Variants in PRLR observed in about 807,000 individuals in gnomAD.
PRLR encodes hPRL receptor.
Under a neutral mutation model 40.2 loss-of-function variants are expected in PRLR, and 13 were observed. The ratio of observed to expected loss-of-function variants is 0.32; its 90% confidence interval spans 0.21 to 0.51. The LOEUF (loss-of-function observed/expected upper bound fraction) is 0.51. Among genes scored for constraint, PRLR ranks in the 20% least tolerant of loss-of-function variants. The pLI, the probability that PRLR is intolerant of heterozygous loss-of-function variation, is 0.97. For missense variants in PRLR, 656 were observed against 747.3 expected (o/e 0.88, Z 1.42); for synonymous variants, 269 against 278.7 (o/e 0.97, Z 0.35).
chr5:35,078,644 T>C (rs1007239311), intron 5 of PRLR, among the ~76,000 whole-genome samples: 9 of 151,856 alleles, frequency 5.9e-5, no homozygotes, highest in African/African-American at 2.2e-4. Context: ...GAGGAGCTGG[T>C]ACCATTCCTT....
At chr5:35,097,609 G>C (rs776152681) in intron 2 of PRLR, among the ~76,000 whole-genome samples, 4 of 151,952 alleles carry the variant, frequency 2.6e-5, no homozygotes, top group Non-Finnish European at 4.4e-5. Flanking sequence ...GAGGAGTGGG[G>C]ACAGGTCAGA....
At chr5:35,121,807 G>A (rs1773301967) in intron 1 of PRLR, among the ~76,000 whole-genome samples, 1 of 152,180 alleles carries the variant, frequency 6.6e-6, no homozygotes, top group Non-Finnish European at 1.5e-5. Flanking sequence ...TCTCTTTGAT[G>A]CCAAAGGCTG....
At chr5:35,182,382 T>C (rs1775317113) in intron 1 of PRLR, among the ~76,000 whole-genome samples, 2 of 152,174 alleles carry the variant, frequency 1.3e-5, no homozygotes, top group South Asian at 4.1e-4. Context: ...ATTTGACTGT[T>C]AGTGTTATAA....
At chr5:35,070,841 CAAAAA>C (rs34668616) in intron 6 of PRLR, among the ~76,000 whole-genome samples, 1 of 69,168 alleles carries the variant, frequency 1.4e-5, no homozygotes, top group East Asian at 3.9e-4. Context: ...AACTCCGTCT[CAAAAA>C]AAAAAAAAAA....
intron 3 of PRLR, among the ~76,000 whole-genome samples, chr5:35,088,915 G>C (rs1351494221): frequency 6.6e-6 from 1 of 152,178 alleles, no homozygotes; most frequent in Non-Finnish European, 1.5e-5. Flanking sequence ...GGTTCAGACA[G>C]AGAGACATTT....
chr5:35,210,465 TA>T (rs1260065304), intron 1 of PRLR, among the ~76,000 whole-genome samples: 2 of 152,248 alleles, frequency 1.3e-5, no homozygotes, highest in African/African-American at 4.8e-5. Flanking sequence ...CTTCTATAAC[TA>T]ATCTCAGTAA....
At chr5:35,175,954 T>C (rs1443195099) in intron 1 of PRLR, among the ~76,000 whole-genome samples, 1 of 152,224 alleles carries the variant, frequency 6.6e-6, no homozygotes, top group Non-Finnish European at 1.5e-5. Context: ...TAACATTTGG[T>C]GGTATATTCT....
intron 1 of PRLR, among the ~76,000 whole-genome samples, chr5:35,129,778 T>C (rs550293283): frequency 5.9e-5 from 9 of 152,168 alleles, no homozygotes; most frequent in African/African-American, 1.9e-4. Flanking sequence ...CCTTCCCACT[T>C]TCCCTAAAAG....
chr5:35,216,886 G>T (rs997067659), intron 1 of PRLR, among the ~76,000 whole-genome samples: 1 of 152,188 alleles, frequency 6.6e-6, no homozygotes, highest in Non-Finnish European at 1.5e-5. Flanking sequence ...TCATAGTCCT[G>T]CCCTCAGGTA....
At chr5:35,128,575 C>T (rs774869839) in intron 1 of PRLR, among the ~76,000 whole-genome samples, 2 of 151,402 alleles carry the variant, frequency 1.3e-5, no homozygotes, top group Non-Finnish European at 2.9e-5. Flanking sequence ...GTAAAACTTG[C>T]GAATACAAAG....
chr5:35,220,394 T>C (rs1255463081), intron 1 of PRLR, among the ~76,000 whole-genome samples: 1 of 152,214 alleles, frequency 6.6e-6, no homozygotes, highest in Non-Finnish European at 1.5e-5. Context: ...CTGCCAGCTC[T>C]CGGCATGCTT....
In PRLR at chr5:35,065,973, G is replaced by A; in HGVS notation, c.985C>T (p.His329Tyr). 1.2e-6 allele frequency: 2 copies of A among 1,614,118 alleles called. 1 individual carries two copies. Residue 329 changes from histidine (H) to tyrosine (Y), a missense_variant, in exon 10 of 10, where the codon CAT becomes TAT. Coordinates refer to ENST00000618457, the MANE Select transcript of PRLR (RefSeq NM_000949.7). ...CCTTGACTTGGGTGTTCTTTTGAAT[G>A]GACTGACATTAGATGCTGGTCCTCA... ...DSEDQHLMSV[H>Y]SKEHPSQGMK...
chr5:35,194,931 C>T (rs1222390591), intron 1 of PRLR, among the ~76,000 whole-genome samples: 2 of 152,140 alleles, frequency 1.3e-5, no homozygotes, highest in Non-Finnish European at 2.9e-5. Flanking sequence ...GATATATCAA[C>T]ATCGGTTCAT....
chr5:35,050,031 C>G (rs564680708), intron 8 of PRLR, among the ~76,000 whole-genome samples: 1 of 151,870 alleles, frequency 6.6e-6, no homozygotes, highest in Non-Finnish European at 1.5e-5. Flanking sequence ...CCTCAGCCTC[C>G]CAAGTAGCTG....
At chr5:35,225,881 C>T (rs1041453120) in intron 1 of PRLR, among the ~76,000 whole-genome samples, 11 of 152,142 alleles carry the variant, frequency 7.2e-5, no homozygotes, top group Non-Finnish European at 1.2e-4. Flanking sequence ...GGGGTTTCAC[C>T]GTGTTCCCCA....
At chr5:35,197,092 T>C (rs1775756524) in intron 1 of PRLR, among the ~76,000 whole-genome samples, 1 of 152,202 alleles carries the variant, frequency 6.6e-6, no homozygotes, top group South Asian at 2.1e-4. Context: ...GGTAGAGAGG[T>C]GTAGGTTCTT....
chr5:35,126,988 T>C (rs1773492153), intron 1 of PRLR, among the ~76,000 whole-genome samples: 1 of 152,196 alleles, frequency 6.6e-6, no homozygotes, highest in Non-Finnish European at 1.5e-5. Flanking sequence ...CTACTCCTCA[T>C]GTAAGAAGAA....
chr5:35,176,191 T>C (rs1775143361), intron 1 of PRLR, among the ~76,000 whole-genome samples: 1 of 152,188 alleles, frequency 6.6e-6, no homozygotes, highest in Non-Finnish European at 1.5e-5. Context: ...ATTCATCTCT[T>C]TGTTTATAAC....
chr5:35,086,562 T>G (rs73767508), intron 3 of PRLR, among the ~76,000 whole-genome samples: 3,287 of 140,240 alleles, frequency 0.023, 114 homozygotes, highest in African/African-American at 0.081. Context: ...ATTTTGCTGG[T>G]GTGTGTGTGT....
Sources: allele counts gnomAD v4.1 joint callset (sites outside exome capture counted in the v4.1 genomes callset), GRCh38; gene constraint gnomAD v4.1.1; transcripts MANE v1.5; gene names NCBI Gene and HGNC (gene_info 2026-07-23, HGNC 2026-07-21).